SORL1: variants seen among roughly 807,000 people sequenced by gnomAD.
SORL1 encodes sortilin-related receptor.
SORL1 carries 127 observed loss-of-function variants against 273.7 expected under a neutral mutation model. The ratio of observed to expected loss-of-function variants is 0.46; its 90% CI spans 0.40 to 0.54. The LOEUF (loss-of-function observed/expected upper bound fraction) is 0.54, where lower values mean the gene tolerates loss of function less well. Among genes scored for constraint, SORL1 ranks in the 20% least tolerant of loss-of-function variants. The pLI is 0.00. For missense variants in SORL1, 2,494 were observed against 2,846.1 expected (o/e 0.88, Z 2.81); for synonymous variants, 1,031 against 1,067.4 (o/e 0.97, Z 0.66).
At chr11:121,514,124 G>C (rs374994499) in intron 7 of SORL1, 28 bp from the exon 8 acceptor site, 3 of 1,604,024 alleles carry the variant, frequency 1.9e-6, no homozygotes, top group East Asian at 2.2e-5. Context: ...GTTTTTTGAC[G>C]TATCTTTTTT....
Position 121,630,616 on chromosome 11 carries a change from G to A in SORL1, c.*1053G>A, listed in dbSNP as rs1863861832. ...ATATGCAGTCATTTTGAATTGGACAGTGCCTTCTCTTTTTTTTTCTCCTCT... is the reference window on the plus strand; with the variant it reads ...ATATGCAGTCATTTTGAATTGGACAATGCCTTCTCTTTTTTTTTCTCCTCT... On this transcript the variant is annotated 3_prime_UTR_variant, in exon 48 of 48. Coordinates refer to ENST00000260197, the MANE Select transcript of SORL1 (RefSeq NM_003105.6). 6.6e-6 allele frequency: 1 copy of A among 152,152 alleles called. No individual in the cohort carries two copies. The highest frequency in any genetic ancestry group is 1.5e-5 in the Non-Finnish European group (1 of 68,034). The allele number at this position is 152,152 out of a possible 1,614,324, so 9.4% of individuals were successfully genotyped here.
chr11:121,608,969 T>C (rs1863519699), intron 38 of SORL1: 1 of 152,226 alleles, frequency 6.6e-6, no homozygotes, highest in African/African-American at 2.4e-5. Flanking sequence ...GGTCTGTTTT[T>C]CTCTACTCTA....
intron 12 of SORL1, among the ~76,000 whole-genome samples, chr11:121,538,699 G>A (rs528749663): frequency 6.6e-6 from 1 of 151,564 alleles, no homozygotes; most frequent in East Asian, 1.9e-4. Context: ...ATTTTTTTGA[G>A]ACAGAGTCTC....
chr11:121,614,973 T>G lies in SORL1; in HGVS notation c.5522T>G (p.Val1841Gly). The G allele has an allele frequency of 6.2e-7, 1 of 1,613,608 alleles. No individual in the cohort carries two copies. The highest frequency in any genetic ancestry group is 1.7e-4 in the Middle Eastern group (1 of 6,060). The change falls in exon 41 of 48, where the codon GTT (valine) becomes GGT (glycine). Residue 1841 changes from valine to glycine, a missense_variant. Transcript: ENST00000260197. ...TTTGAGCATGTTATGACCAGAGGGG[T>G]TCGCCCACCTGCACCTAGCCTCAAG... The part of the protein sequence containing the change: ...LAFEHVMTRG[V>G]RPPAPSLKAK...
intron 1 of SORL1, among the ~76,000 whole-genome samples, chr11:121,466,109 G>A (rs564942974): frequency 6.6e-6 from 1 of 152,310 alleles, no homozygotes; most frequent in South Asian, 2.1e-4. Flanking sequence ...GAGGCACTCG[G>A]CCCCTCCCTG....
At chr11:121,504,688 A>AT (rs1335471165) in intron 6 of SORL1, among the ~76,000 whole-genome samples, 3 of 151,746 alleles carry the variant, frequency 2.0e-5, no homozygotes, top group African/African-American at 7.3e-5. Flanking sequence ...TTATTTATTT[A>AT]TTTTTTTGCC....
At chr11:121,545,193 C>T (rs1862407312) in intron 13 of SORL1, 50 bp from the exon 14 acceptor site, 3 of 1,586,400 alleles carry the variant, frequency 1.9e-6, no homozygotes, top group Non-Finnish European at 8.6e-7. Flanking sequence ...AGCAGGAAAC[C>T]CTACATGGGC....
chr11:121,624,339 C>G lies in SORL1; in HGVS notation c.6172-746C>G, dbSNP rs138650685. 9.8e-4 allele frequency among the ~76,000 whole-genome samples: 149 copies of G among 152,284 alleles called. 1 individual carries two copies. Among genetic ancestry groups the G allele is most frequent in the African/African-American group, 3.5e-3 (145 of 41,548 alleles). The stretch of plus-strand genomic sequence containing the variant: ...TGGTGGAGAGTGTCAGTAGCTTTGA[C>G]ACTGGAATAGTTGGGGATCAGCAGA... On this transcript the variant is annotated intron_variant, in intron 45 of 47. Transcript: ENST00000260197.
rs577918075 is a variant in SORL1, at chr11:121,567,176, G to A, written c.3223+63G>A. On this transcript the variant is annotated intron_variant, in intron 22 of 47. Coordinates refer to ENST00000260197, the MANE Select transcript of SORL1 (RefSeq NM_003105.6). ...CCTTTGTTTCCTGCTCCCCGCCAGG[G>A]GAGGGAGGGATAGCTCTCTGTTTCC... The A allele has an allele frequency of 2.5e-4, 348 of 1,409,388 alleles. 1 individual carries two copies. In the South Asian group the frequency reaches 4.0e-3, roughly 16 times the overall value. The allele number at this position is 1,409,388 out of a possible 1,614,324, so 87.3% of individuals were successfully genotyped here.
At chr11:121,611,343 G>A (rs1292516431) in intron 39 of SORL1, 185 bp downstream of exon 39, 1 of 497,062 alleles carries the variant, frequency 2.0e-6, no homozygotes, top group Non-Finnish European at 3.6e-6. Context: ...AACAACTTGA[G>A]TCTTCACATG....
chr11:121,576,763 G>GA, intron 24 of SORL1: 1 of 1,474,760 alleles, frequency 6.8e-7, no homozygotes, highest in Non-Finnish European at 8.9e-7. Context: ...TCTGCCCACA[G>GA]AAAGTCCCGA....
In SORL1 at chr11:121,480,656, C is replaced by T. The variant is rs1478351431; in HGVS notation, c.528+2413C>T. ...ACCTATAGGCAGGCTTCATCTCCTC[C>T]TCCCCAGCTTCTCCCCTAGTGCACA... On this transcript the variant is annotated intron_variant, in intron 3 of 47. Coordinates refer to ENST00000260197, the MANE Select transcript of SORL1 (RefSeq NM_003105.6). 8.9e-4 allele frequency among the ~76,000 whole-genome samples: 129 copies of T among 145,276 alleles called. 2 individuals carry two copies. The highest frequency in any genetic ancestry group is 3.2e-3 in the African/African-American group (124 of 38,990).
At chr11:121,512,890 T>G in intron 6 of SORL1, 113 bp from the exon 7 acceptor site, 6 of 723,700 alleles carry the variant, frequency 8.3e-6, no homozygotes, top group Non-Finnish European at 1.4e-5. Flanking sequence ...ACAGTCTCTA[T>G]TTTGTGTTTC....
At chr11:121,573,470 G>T (rs1221504537) in intron 23 of SORL1, among the ~76,000 whole-genome samples, 2 of 152,100 alleles carry the variant, frequency 1.3e-5, no homozygotes, top group African/African-American at 4.8e-5. Context: ...AAATTAACTG[G>T]GGCTGGTGGT....
At chr11:121,459,161 A>C (rs868014076) in intron 1 of SORL1, among the ~76,000 whole-genome samples, 1 of 152,260 alleles carries the variant, frequency 6.6e-6, no homozygotes, top group Admixed American at 6.5e-5. Context: ...GCCATTGAGC[A>C]GGTGAAATGT....
chr11:121,524,890 A>G lies in SORL1; in HGVS notation c.1596+1901A>G, dbSNP rs944476703. Reference sequence around the variant, plus strand: ...AACATTTCCATCTGCAAATTCTCTGATCCTCAGAATTCCGTTTTTGTGCTT... The same window carrying G: ...AACATTTCCATCTGCAAATTCTCTGGTCCTCAGAATTCCGTTTTTGTGCTT... On this transcript the variant is annotated intron_variant, in intron 11 of 47. Transcript: ENST00000260197. Among the ~76,000 whole-genome samples the G allele has an allele frequency of 8.6e-5, 13 of 151,298 alleles. 1 individual carries two copies. The highest frequency in any genetic ancestry group is 1.0e-4 in the Non-Finnish European group (7 of 67,924).
At chr11:121,541,731 C>T (rs1172399609) in intron 12 of SORL1, among the ~76,000 whole-genome samples, 2 of 152,316 alleles carry the variant, frequency 1.3e-5, no homozygotes, top group Non-Finnish European at 1.5e-5. Context: ...TCATGTCAAG[C>T]GTCTCACCAG....
intron 42 of SORL1, 96 bp downstream of exon 42, chr11:121,618,989 C>T (rs1413976148): frequency 2.2e-5 from 29 of 1,322,826 alleles, no homozygotes; most frequent in African/African-American, 3.0e-5. Context: ...TACCTGGACT[C>T]CAGGATTGAT....
chr11:121,589,941 T>C, intron 29 of SORL1, 99 bp from the exon 30 acceptor site: 1 of 1,425,952 alleles, frequency 7.0e-7, no homozygotes, highest in Non-Finnish European at 9.7e-7. Flanking sequence ...AAGTGTGGGT[T>C]GCCCTGGAAC....
Sources: allele counts gnomAD v4.1 joint callset (sites outside exome capture counted in the v4.1 genomes callset), GRCh38; gene constraint gnomAD v4.1.1; transcripts MANE v1.5; gene names NCBI Gene and HGNC (gene_info 2026-07-23, HGNC 2026-07-21).